Variants in NUP98 observed in about 807,000 individuals in gnomAD.
NUP98 encodes nuclear pore complex protein Nup98-Nup96.
In NUP98, 26 loss-of-function variants were observed where a neutral mutation model predicts 191.9. That is an observed-to-expected ratio of 0.14 (90% CI 0.10 to 0.19). NUP98 has a LOEUF of 0.19. NUP98 is among the 10% of genes least tolerant of loss of function. NUP98 has a pLI of 1.00. For synonymous variants in NUP98, 808 were observed against 778.4 expected, an observed-to-expected ratio of 1.04 and a Z score of -0.63; for missense variants, 1,941 against 2,178.8, an observed-to-expected ratio of 0.89 and a Z score of 2.17.
chr11:3,797,330 G>C, intron 1 of NUP98, 70 bp downstream of exon 1: 1 of 399,652 alleles, frequency 2.5e-6, no homozygotes, highest in Non-Finnish European at 4.4e-6. Flanking sequence ...GACGCCCCGC[G>C]CGTCCGCCCG....
At chr11:3,769,410 A>G (rs1333847385) in intron 7 of NUP98, among the ~76,000 whole-genome samples, 1 of 151,960 alleles carries the variant, frequency 6.6e-6, no homozygotes, top group Admixed American at 6.6e-5. Context: ...TGGGTGACAG[A>G]GCTAGACAGT....
At chr11:3,779,723 C>A (rs1456290864) in intron 2 of NUP98, among the ~76,000 whole-genome samples, 1 of 151,756 alleles carries the variant, frequency 6.6e-6, no homozygotes, top group African/African-American at 2.4e-5. Flanking sequence ...GTATGAATTA[C>A]AGAGTAAAAA....
intron 1 of NUP98, among the ~76,000 whole-genome samples, chr11:3,782,811 C>A (rs2082017451): frequency 6.6e-6 from 1 of 152,066 alleles, no homozygotes; most frequent in African/African-American, 2.4e-5. Flanking sequence ...GCTGAGATTA[C>A]ACCACCAAAG....
At chr11:3,731,938 T>A (rs2079867823) in intron 13 of NUP98, among the ~76,000 whole-genome samples, 1 of 152,214 alleles carries the variant, frequency 6.6e-6, no homozygotes, top group Non-Finnish European at 1.5e-5. Flanking sequence ...GCATTTTGGA[T>A]TTTCAATTTT....
At chr11:3,778,156 G>A (rs556585184) in intron 4 of NUP98, among the ~76,000 whole-genome samples, 1 of 133,014 alleles carries the variant, frequency 7.5e-6, no homozygotes, top group Non-Finnish European at 1.5e-5. Flanking sequence ...CCGAGATTGC[G>A]CCACTACACT....
At chr11:3,777,769 CTTCT>C (rs1246438885) in intron 4 of NUP98, among the ~76,000 whole-genome samples, 2 of 152,030 alleles carry the variant, frequency 1.3e-5, no homozygotes, top group East Asian at 1.9e-4. Flanking sequence ...ACTGCTATTA[CTTCT>C]TTCTAAAACA....
chr11:3,737,453 G>C (rs550316412), intron 12 of NUP98, among the ~76,000 whole-genome samples: 48 of 152,030 alleles, frequency 3.2e-4, no homozygotes, highest in Non-Finnish European at 4.9e-4. Flanking sequence ...GTGAAACCCT[G>C]TCTCTACTAA....
At chr11:3,678,811 A>C (rs2077896149) in intron 31 of NUP98, among the ~76,000 whole-genome samples, 1 of 152,082 alleles carries the variant, frequency 6.6e-6, no homozygotes, top group South Asian at 2.1e-4. Flanking sequence ...TCATTTTACG[A>C]CTACAAAGAC....
Position 3,675,881 on chromosome 11 carries a change from T to C in NUP98, c.*278A>G. 1 of 473,490 alleles carries C rather than the reference T, an allele frequency of 2.1e-6. No homozygotes were observed. Among genetic ancestry groups the C allele is most frequent in the East Asian group, 3.7e-5 (1 of 27,004 alleles). 29.3% of individuals were successfully genotyped at this position (473,490 alleles called of 1,614,324 possible). A position where few individuals can be genotyped will look rare whatever the true frequency, so the allele number is the denominator to read the frequency against. On this transcript the variant is annotated 3_prime_UTR_variant, in exon 33 of 33. Coordinates refer to ENST00000324932, the MANE Select transcript of NUP98 (RefSeq NM_016320.5). Reference sequence around the variant, plus strand: ...AATACCCTGGTTCTTTGGGGGATTCTGCCAAAGGAGCTTTATTGACCATTT... The same window carrying C: ...AATACCCTGGTTCTTTGGGGGATTCCGCCAAAGGAGCTTTATTGACCATTT...
At chr11:3,792,432 G>C (rs1419055294) in intron 1 of NUP98, among the ~76,000 whole-genome samples, 1 of 151,952 alleles carries the variant, frequency 6.6e-6, no homozygotes, top group Non-Finnish European at 1.5e-5. Context: ...TCAACATGTT[G>C]AAACCCCGTC....
chr11:3,744,404 G>T, intron 12 of NUP98, 105 bp downstream of exon 12: 1 of 1,122,412 alleles, frequency 8.9e-7, no homozygotes, highest in South Asian at 1.8e-5. Flanking sequence ...TGACATGCAT[G>T]TATGCAATGC....
chr11:3,712,437 G>A (rs1016606107), intron 20 of NUP98, 127 bp downstream of exon 20: 41 of 1,483,290 alleles, frequency 2.8e-5, no homozygotes, highest in African/African-American at 2.7e-4. Context: ...TTGTTTCAAC[G>A]TGATTGCCAA....
At chr11:3,767,151 CG>C (rs2081366413) in intron 8 of NUP98, among the ~76,000 whole-genome samples, 1 of 151,912 alleles carries the variant, frequency 6.6e-6, no homozygotes, top group South Asian at 2.1e-4. Context: ...TTGGTAGAGA[CG>C]GGGTTTCACC....
chr11:3,782,569 CAT>C (rs1491365669), intron 1 of NUP98, among the ~76,000 whole-genome samples: 48 of 122,052 alleles, frequency 3.9e-4, no homozygotes, highest in South Asian at 1.6e-3. Context: ...AAAAAGCTAA[CAT>C]TTTTTTTTTT....
In NUP98 at chr11:3,685,899, C is replaced by T. The variant is rs1014170505; in HGVS notation, c.4676+74G>A. 10 of 1,204,058 alleles carry T rather than the reference C, an allele frequency of 8.3e-6. No homozygotes were observed. In the African/African-American group the frequency reaches 1.5e-4, roughly 18 times the overall value. 74.6% of individuals were successfully genotyped at this position (1,204,058 alleles called of 1,614,324 possible). A position where few individuals can be genotyped will look rare whatever the true frequency, so the allele number is the denominator to read the frequency against. On this transcript the variant is annotated intron_variant, in intron 29 of 32. Transcript: ENST00000324932. ...ACACAATTACTTGCTAAACTGAACCCTGAAAGACTGATTCCTTTGGAATTG... is the reference window on the plus strand; with the variant it reads ...ACACAATTACTTGCTAAACTGAACCTTGAAAGACTGATTCCTTTGGAATTG...
intron 1 of NUP98, among the ~76,000 whole-genome samples, chr11:3,791,967 C>G (rs1564939685): frequency 6.6e-6 from 1 of 151,184 alleles, no homozygotes; most frequent in Non-Finnish European, 1.5e-5. Flanking sequence ...ATCACGAGGT[C>G]AGGAGATCGA....
rs113829345 is a variant in NUP98 at position 3,691,623 on chromosome 11, G to A, written c.4312-134C>T. 1.3e-4 allele frequency: 105 copies of A among 795,274 alleles called. No individual in the cohort carries two copies. In the East Asian group the frequency reaches 2.0e-3, roughly 15 times the overall value. 49.3% of individuals were successfully genotyped at this position (795,274 alleles called of 1,614,324 possible). A position where few individuals can be genotyped will look rare whatever the true frequency, so the allele number is the denominator to read the frequency against. Reference sequence around the variant, plus strand: ...GGCTGGAGTGCAGTGGGACAATCTCGGCTCACTGCAACCTCCGCTTCCCAG... The same window carrying A: ...GGCTGGAGTGCAGTGGGACAATCTCAGCTCACTGCAACCTCCGCTTCCCAG... On this transcript the variant is annotated intron_variant, in intron 27 of 32. Coordinates refer to ENST00000324932, the MANE Select transcript of NUP98 (RefSeq NM_016320.5).
intron 30 of NUP98, among the ~76,000 whole-genome samples, chr11:3,681,696 C>G (rs922026351): frequency 2.6e-5 from 4 of 152,026 alleles, no homozygotes; most frequent in African/African-American, 9.7e-5. Context: ...GTCATCCAGG[C>G]TTTGTTTTTC....
At chr11:3,735,786 T>C (rs975499813) in intron 12 of NUP98, among the ~76,000 whole-genome samples, 27 of 138,330 alleles carry the variant, frequency 2.0e-4, no homozygotes, top group Non-Finnish European at 3.4e-4. Context: ...TGTGTGTGTG[T>C]GTGTAATTGT....
Sources: gnomAD v4.1 joint callset for allele counts (sites outside exome capture counted in the v4.1 genomes callset) on GRCh38, gnomAD v4.1.1 for gene constraint, MANE v1.5 for transcripts, NCBI Gene and HGNC (gene_info 2026-07-23, HGNC 2026-07-21) for gene names.